Variants in CRADD observed in about 807,000 individuals in gnomAD.
CRADD encodes CARD and death domain containing adaptor protein.
Under a neutral mutation model 15.5 loss-of-function variants are expected in CRADD, and 9 were observed. That is an observed-to-expected ratio of 0.58 (90% CI 0.35 to 1.01). CRADD has a LOEUF of 1.01. CRADD is among the 50% of genes least tolerant of loss of function. The pLI is 0.02. For synonymous variants in CRADD, 118 were observed against 107.6 expected (o/e 1.10, Z -0.60); for missense variants, 227 against 250.3 (o/e 0.91, Z 0.63).
intron 1 of CRADD, among the ~76,000 whole-genome samples, chr12:93,678,442 T>TA (rs1334454589): frequency 6.6e-6 from 1 of 152,200 alleles, no homozygotes; most frequent in Non-Finnish European, 1.5e-5. Context: ...AATCTTCAGA[T>TA]AAAAATTGCT....
intron 2 of CRADD, among the ~76,000 whole-genome samples, chr12:93,734,697 C>G (rs953026237): frequency 6.6e-6 from 1 of 152,312 alleles, no homozygotes; most frequent in South Asian, 2.1e-4. Flanking sequence ...CCCCGTCCCT[C>G]GTATTGCCTG....
At chr12:93,874,175 G>A (rs1958442008) in intron 2 of CRADD, among the ~76,000 whole-genome samples, 1 of 151,868 alleles carries the variant, frequency 6.6e-6, no homozygotes, top group Non-Finnish European at 1.5e-5. Context: ...AATTTTGGTA[G>A]GTTGTATTTT....
At chr12:93,853,876 G>A (rs565122694), downstream of CRADD, among the ~76,000 whole-genome samples, 48 of 152,132 alleles carry the variant, frequency 3.2e-4, no homozygotes, top group African/African-American at 1.1e-3. Context: ...GTGTGGATGC[G>A]CCGTCATGTC....
At chr12:93,800,519 T>C (rs995516694) in intron 2 of CRADD, among the ~76,000 whole-genome samples, 1 of 152,148 alleles carries the variant, frequency 6.6e-6, no homozygotes, top group Non-Finnish European at 1.5e-5. Context: ...CCCATGTTGT[T>C]CTTGTGATAA....
intron 2 of CRADD, among the ~76,000 whole-genome samples, chr12:93,843,481 A>G (rs1470203767): frequency 6.7e-6 from 1 of 150,318 alleles, no homozygotes; most frequent in Non-Finnish European, 1.5e-5. Flanking sequence ...CCAGAGTCAA[A>G]CAATTCTCCT....
At chr12:93,893,400 A>G (rs1158919415) in intron 2 of CRADD, among the ~76,000 whole-genome samples, 1 of 150,102 alleles carries the variant, frequency 6.7e-6, no homozygotes, top group Admixed American at 6.6e-5. Flanking sequence ...TGTTGATTTA[A>G]AAAAAAAAAA....
At chr12:93,854,031 A>G (rs922119443), downstream of CRADD, among the ~76,000 whole-genome samples, 1 of 152,188 alleles carries the variant, frequency 6.6e-6, no homozygotes, top group Non-Finnish European at 1.5e-5. Flanking sequence ...GTTTAGCGCC[A>G]AACATATTTT....
At chr12:93,754,386 C>T (rs1057081407) in intron 2 of CRADD, among the ~76,000 whole-genome samples, 7 of 152,240 alleles carry the variant, frequency 4.6e-5, no homozygotes, top group Middle Eastern at 3.2e-3. Context: ...CTCCTTGTTA[C>T]TTATGCAAGT....
chr12:93,685,240 A>C (rs1413621158), intron 2 of CRADD, among the ~76,000 whole-genome samples: 1 of 152,014 alleles, frequency 6.6e-6, no homozygotes, highest in Non-Finnish European at 1.5e-5. Context: ...AAAATACATG[A>C]CTTTTAGAGA....
intron 2 of CRADD, among the ~76,000 whole-genome samples, chr12:93,747,448 C>G (rs567443473): frequency 6.6e-6 from 1 of 151,800 alleles, no homozygotes; most frequent in East Asian, 1.9e-4. Flanking sequence ...TTTTTCCTTC[C>G]TCTTAATTTT....
At chr12:93,685,095 G>A (rs1267358752) in intron 2 of CRADD, among the ~76,000 whole-genome samples, 1 of 152,192 alleles carries the variant, frequency 6.6e-6, no homozygotes, top group Admixed American at 6.5e-5. Context: ...AATGATAGGA[G>A]GTCCTCATGC....
chr12:93,873,746 T>C (rs1284687478), intron 2 of CRADD, among the ~76,000 whole-genome samples: 1 of 152,212 alleles, frequency 6.6e-6, no homozygotes, highest in Non-Finnish European at 1.5e-5. Flanking sequence ...CATCCTTGCA[T>C]CCCAGGGATA....
intron 2 of CRADD, among the ~76,000 whole-genome samples, chr12:93,866,416 A>G (rs1168000027): frequency 6.6e-6 from 1 of 152,140 alleles, no homozygotes; most frequent in Non-Finnish European, 1.5e-5. Context: ...TTTAATTGCT[A>G]AGACTCTTTT....
chr12:93,758,102 G>A (rs985838449), intron 2 of CRADD, among the ~76,000 whole-genome samples: 8 of 152,228 alleles, frequency 5.3e-5, no homozygotes, highest in African/African-American at 9.6e-5. Context: ...AAGTCTATCC[G>A]TTAAGGAAAT....
intron 2 of CRADD, among the ~76,000 whole-genome samples, chr12:93,835,915 G>A (rs1957967438): frequency 6.6e-6 from 1 of 152,146 alleles, no homozygotes; most frequent in Non-Finnish European, 1.5e-5. Flanking sequence ...TCTGACCCCT[G>A]TGTATTACCC....
intron 2 of CRADD, among the ~76,000 whole-genome samples, chr12:93,742,630 A>G (rs4761523): frequency 0.047 from 7,197 of 152,276 alleles, 402 homozygotes; most frequent in Admixed American, 0.13. Context: ...CCAGGAAACA[A>G]ACCCAACCCA....
intron 2 of CRADD, among the ~76,000 whole-genome samples, chr12:93,711,055 C>CCCTT: frequency 7.6e-4 from 33 of 43,502 alleles, no homozygotes; most frequent in East Asian, 2.0e-3. Flanking sequence ...CCACCCCCGC[C>CCCTT]TTTTTTTTTT....
chr12:93,767,313 T>C (rs766316894), intron 2 of CRADD, among the ~76,000 whole-genome samples: 2 of 152,272 alleles, frequency 1.3e-5, no homozygotes, highest in Non-Finnish European at 2.9e-5. Flanking sequence ...CTTCTTCTAT[T>C]GGATAAACGC....
At chr12:93,847,810 A>G (rs939146618) in intron 2 of CRADD, among the ~76,000 whole-genome samples, 4 of 152,258 alleles carry the variant, frequency 2.6e-5, no homozygotes, top group Non-Finnish European at 4.4e-5. Context: ...GAGTATTTCT[A>G]TAAAAACATG....
Sources: allele counts gnomAD v4.1 joint callset (sites outside exome capture counted in the v4.1 genomes callset), GRCh38; gene constraint gnomAD v4.1.1; transcripts MANE v1.5; gene names NCBI Gene and HGNC (gene_info 2026-07-23, HGNC 2026-07-21).